NYAP2: variants seen among roughly 807,000 people sequenced by gnomAD.
The protein encoded by NYAP2 is neuronal tyrosine-phosphorylated phosphoinositide-3-kinase adaptor 2, also known as neuronal tyrosine-phosphorylated phosphoinositide-3-kinase adapter 2.
In NYAP2, 23 loss-of-function variants were observed where a neutral mutation model predicts 50.4. The observed-to-expected ratio is 0.46, with a 90% confidence interval of 0.33 to 0.65. NYAP2 has a LOEUF of 0.65. Among genes scored for constraint, NYAP2 ranks in the 30% least tolerant of loss-of-function variants. The pLI is 0.02. For synonymous variants in NYAP2, 394 were observed against 365.2 expected, an observed-to-expected ratio of 1.08 and a Z score of -0.90; for missense variants, 885 against 861.0, an observed-to-expected ratio of 1.03 and a Z score of -0.35.
intron 4 of NYAP2, among the ~76,000 whole-genome samples, chr2:225,541,830 C>T (rs111693274): frequency 6.6e-6 from 1 of 152,124 alleles, no homozygotes; most frequent in African/African-American, 2.4e-5. Context: ...TGAAGAATGT[C>T]ATTGGTATTT....
At chr2:225,587,303 C>A (rs542051857) in intron 5 of NYAP2, among the ~76,000 whole-genome samples, 1 of 152,078 alleles carries the variant, frequency 6.6e-6, no homozygotes, top group Admixed American at 6.5e-5. Flanking sequence ...AATTTACAAT[C>A]TGAGGGAAAG....
chr2:225,691,505 T>C, the NYAP2 span, among the ~76,000 whole-genome samples: 1 of 152,162 alleles, frequency 6.6e-6, no homozygotes, highest in Non-Finnish European at 1.5e-5. Flanking sequence ...CCGACCCCTA[T>C]CCATTATCTT....
intron 4 of NYAP2, among the ~76,000 whole-genome samples, chr2:225,525,243 A>C (rs1373482284): frequency 2.0e-5 from 3 of 152,212 alleles, no homozygotes; most frequent in Non-Finnish European, 4.4e-5. Flanking sequence ...ATATACCCAA[A>C]GGGAAAGAAA....
At chr2:225,631,910 T>A (rs577690378) in intron 6 of NYAP2, among the ~76,000 whole-genome samples, 1 of 152,264 alleles carries the variant, frequency 6.6e-6, no homozygotes, top group South Asian at 2.1e-4. Context: ...CTCCGCCTCC[T>A]GGGTTCAAGA....
At chr2:225,570,734 C>T (rs1375834684) in intron 4 of NYAP2, among the ~76,000 whole-genome samples, 1 of 152,070 alleles carries the variant, frequency 6.6e-6, no homozygotes, top group Admixed American at 6.5e-5. Flanking sequence ...ATCATTCTGC[C>T]CCCTGGCCCC....
intron 3 of NYAP2, among the ~76,000 whole-genome samples, chr2:225,467,060 T>C (rs114732637): frequency 2.0e-4 from 31 of 152,310 alleles, no homozygotes; most frequent in African/African-American, 7.2e-4. Context: ...GATCTTGTGT[T>C]CCTTCTCCCC....
At chr2:225,632,988 A>C (rs1693348899) in intron 6 of NYAP2, among the ~76,000 whole-genome samples, 1 of 152,238 alleles carries the variant, frequency 6.6e-6, no homozygotes, top group African/African-American at 2.4e-5. Flanking sequence ...GAGAACAATT[A>C]ATTAGTGTAG....
chr2:225,672,411 T>G, the NYAP2 span, among the ~76,000 whole-genome samples: 1 of 152,188 alleles, frequency 6.6e-6, no homozygotes, highest in Admixed American at 6.5e-5. Flanking sequence ...ACTGAAGAGC[T>G]AAAGCATTGC....
At chr2:225,696,454 C>T in the NYAP2 span, among the ~76,000 whole-genome samples, 5 of 151,876 alleles carry the variant, frequency 3.3e-5, no homozygotes, top group African/African-American at 1.2e-4. Context: ...AACCTCACAC[C>T]AAATTTATCA....
At chr2:225,440,255 A>T (rs1689448570) in intron 3 of NYAP2, among the ~76,000 whole-genome samples, 1 of 152,246 alleles carries the variant, frequency 6.6e-6, no homozygotes. Flanking sequence ...CCACCTTCAG[A>T]TCATAGGATG....
intron 3 of NYAP2, among the ~76,000 whole-genome samples, chr2:225,431,042 C>T (rs933609700): frequency 6.6e-6 from 1 of 152,116 alleles, no homozygotes; most frequent in Admixed American, 6.5e-5. Flanking sequence ...ACATATTCTC[C>T]AAATTATTAC....
At chr2:225,619,117 A>G (rs1431087) in intron 5 of NYAP2, among the ~76,000 whole-genome samples, 77,772 of 152,068 alleles carry the variant, frequency 0.51, 20,468 homozygotes, top group South Asian at 0.67. Context: ...TAGCATTGCT[A>G]TGTAAGGAAC....
intron 4 of NYAP2, among the ~76,000 whole-genome samples, chr2:225,514,616 C>T (rs1690894171): frequency 6.6e-6 from 1 of 152,154 alleles, no homozygotes; most frequent in Non-Finnish European, 1.5e-5. Context: ...TGCTCTCCTT[C>T]CCTTTCTACC....
exon 3 of NYAP2, chr2:225,409,082 CAAG>C (rs1408961033): frequency 6.2e-7 from 1 of 1,601,392 alleles, no homozygotes; most frequent in Non-Finnish European, 8.5e-7. Flanking sequence ...ACGCCGAAGA[CAAG>C]AAGAAGCAAT....
chr2:225,687,856 C>T, the NYAP2 span, among the ~76,000 whole-genome samples: 2 of 152,124 alleles, frequency 1.3e-5, no homozygotes, highest in African/African-American at 4.8e-5. Context: ...TTTCTGCGCC[C>T]TCTTGAGTTA....
chr2:225,669,076 C>T, the NYAP2 span, among the ~76,000 whole-genome samples: 1 of 141,400 alleles, frequency 7.1e-6, no homozygotes, highest in Non-Finnish European at 1.5e-5. Flanking sequence ...CCAAAAACTA[C>T]ATAATGAATG....
At chr2:225,603,111 T>G (rs1049901789) in intron 5 of NYAP2, among the ~76,000 whole-genome samples, 3 of 152,192 alleles carry the variant, frequency 2.0e-5, no homozygotes, top group African/African-American at 7.2e-5. Context: ...TTAGCAATGT[T>G]TAAAGTTTTC....
chr2:225,482,739 T>G (rs1690227276), intron 3 of NYAP2, among the ~76,000 whole-genome samples: 1 of 152,180 alleles, frequency 6.6e-6, no homozygotes, highest in Non-Finnish European at 1.5e-5. Flanking sequence ...TTAAGTTTCC[T>G]CTTCTAGGTC....
chr2:225,679,758 G>C, the NYAP2 span, among the ~76,000 whole-genome samples: 1 of 151,986 alleles, frequency 6.6e-6, no homozygotes, highest in Non-Finnish European at 1.5e-5. Flanking sequence ...CTCCCAAAGT[G>C]CTGAGATTAC....
Sources: gnomAD v4.1 joint callset for allele counts (sites outside exome capture counted in the v4.1 genomes callset) on GRCh38, gnomAD v4.1.1 for gene constraint, MANE v1.5 for transcripts, NCBI Gene and HGNC (gene_info 2026-07-23, HGNC 2026-07-21) for gene names.